Variants in PC observed in about 807,000 individuals in gnomAD.
The protein encoded by PC is pyruvate carboxylase, mitochondrial.
A neutral mutation model predicts 107.8 loss-of-function variants in PC; 46 were observed. The ratio of observed to expected loss-of-function variants is 0.43; its 90% CI spans 0.34 to 0.55. The LOEUF (loss-of-function observed/expected upper bound fraction) is 0.55, where lower values mean the gene tolerates loss of function less well. PC is among the 20% of genes least tolerant of loss of function. The pLI, the probability that PC is intolerant of heterozygous loss-of-function variation, is 0.04. For missense variants in PC, 1,241 were observed against 1,643.1 expected (o/e 0.76, Z 4.23); for synonymous variants, 662 against 684.7 (o/e 0.97, Z 0.52).
At chr11:66,876,796 G>A (rs879378650) in intron 3 of PC, among the ~76,000 whole-genome samples, 2 of 152,190 alleles carry the variant, frequency 1.3e-5, no homozygotes, top group African/African-American at 2.4e-5. Flanking sequence ...TCTGCTGAGC[G>A]CTGGGAAAGG....
At chr11:66,853,429 C>A (rs1945627758) in intron 12 of PC, 46 bp from the exon 13 acceptor site, 1 of 1,610,026 alleles carries the variant, frequency 6.2e-7, no homozygotes. Context: ...GCAGCACAGA[C>A]AGGGAAGGCA....
In PC at chr11:66,870,457, G is replaced by A. The variant is rs760649111; in HGVS notation, c.752-4C>T. 1.2e-6 allele frequency: 2 copies of A among 1,612,940 alleles called. No homozygotes were observed. Among genetic ancestry groups the A allele is most frequent in the African/African-American group, 2.7e-5 (2 of 74,910 alleles). On this transcript the variant is annotated splice_polypyrimidine_tract_variant and splice_region_variant and intron_variant, in intron 8 of 22. Coordinates refer to ENST00000393960, the MANE Select transcript of PC (RefSeq NM_001040716.2). This position sits in a 1 kb window ranked among gnomAD's most constrained non-coding sequence, Gnocchi z 6.1. ...AGGATGTTCCCATACTGGTCCCCTGGGGAGGGAGGTAAACTGGGCTTAGCT... is the reference window on the plus strand; with the variant it reads ...AGGATGTTCCCATACTGGTCCCCTGAGGAGGGAGGTAAACTGGGCTTAGCT...
chr11:66,878,068 A>G (rs1947047708), intron 3 of PC, among the ~76,000 whole-genome samples: 1 of 152,152 alleles, frequency 6.6e-6, no homozygotes, highest in Admixed American at 6.5e-5. Flanking sequence ...GAAAAGGCGA[A>G]GGGAGCTCCT....
intron 3 of PC, among the ~76,000 whole-genome samples, chr11:66,938,117 A>G (rs1042421095): frequency 2.6e-5 from 4 of 152,194 alleles, no homozygotes; most frequent in African/African-American, 9.7e-5. Flanking sequence ...ATCATTGTCT[A>G]TGAAGTCCAA....
chr11:66,897,824 G>A (rs1240974575), intron 3 of PC, among the ~76,000 whole-genome samples: 1 of 152,172 alleles, frequency 6.6e-6, no homozygotes, highest in Non-Finnish European at 1.5e-5. Flanking sequence ...ACTTGGTAGA[G>A]ATAACTTGCT....
intron 3 of PC, among the ~76,000 whole-genome samples, chr11:66,915,904 T>C (rs1309453968): frequency 6.6e-6 from 1 of 152,166 alleles, no homozygotes; most frequent in African/African-American, 2.4e-5. Flanking sequence ...ACTGCCTCTT[T>C]CGGCACTTTG....
At chr11:66,860,934 T>C (rs1946223900) in intron 12 of PC, among the ~76,000 whole-genome samples, 1 of 152,144 alleles carries the variant, frequency 6.6e-6, no homozygotes, top group Non-Finnish European at 1.5e-5. Context: ...CTCCAGGTGC[T>C]GACAGCTGTG....
chr11:66,887,803 A>G (rs986924974), intron 3 of PC, among the ~76,000 whole-genome samples: 2 of 152,246 alleles, frequency 1.3e-5, no homozygotes, highest in African/African-American at 4.8e-5. Context: ...TGGGATGCCA[A>G]AAGAGACCTC....
Position 66,858,920 on chromosome 11 carries a change from C to G in PC, c.1368+4854G>C. ...CCGGGCCCTCGGACATCGCCGCCTC[C>G]GCTCGCACTGCTGCCGAGGGTGAGG... is the stretch of plus-strand genomic sequence containing the variant. On this transcript the variant is annotated intron_variant, in intron 12 of 22. Coordinates refer to ENST00000393960, the MANE Select transcript of PC (RefSeq NM_001040716.2). The surrounding 1 kb of genome is among the most constrained non-coding windows in gnomAD (Gnocchi z 5.9). 6.4e-7 allele frequency: 1 copy of G among 1,570,454 alleles called. No individual in the cohort carries two copies.
At chr11:66,947,621 G>T (rs1163612958) in intron 3 of PC, among the ~76,000 whole-genome samples, 1 of 151,918 alleles carries the variant, frequency 6.6e-6, no homozygotes, top group Admixed American at 6.6e-5. Context: ...AGCACTTTGG[G>T]AGGCCAAGGT....
chr11:66,894,160 T>G (rs79859058), intron 3 of PC, among the ~76,000 whole-genome samples: 7,789 of 152,046 alleles, frequency 0.051, 317 homozygotes, highest in East Asian at 0.11. Context: ...GTGGGGTAAT[T>G]CTCTGACTCC....
At chr11:66,932,947 A>C (rs1371114111) in intron 3 of PC, among the ~76,000 whole-genome samples, 1 of 152,178 alleles carries the variant, frequency 6.6e-6, no homozygotes, top group African/African-American at 2.4e-5. Flanking sequence ...TTCTTAATTC[A>C]TATTTTGTGT....
Position 66,858,102 on chromosome 11 carries a change from G to T in PC, c.1369-4719C>A. On this transcript the variant is annotated intron_variant, in intron 12 of 22. Coordinates refer to ENST00000393960, the MANE Select transcript of PC (RefSeq NM_001040716.2). This position sits in a 1 kb window ranked among gnomAD's most constrained non-coding sequence, Gnocchi z 5.9. ...GGGCACCGGGAGCCTCCGGGGCCCC[G>T]TCAATCTGCAGCACCTCATCCTCAG... The T allele has an allele frequency of 6.2e-7, 1 of 1,609,746 alleles. No homozygotes were observed. The highest frequency in any genetic ancestry group is 1.7e-4 in the Middle Eastern group (1 of 6,056).
chr11:66,925,368 G>T (rs1189532983), intron 3 of PC, among the ~76,000 whole-genome samples: 1 of 152,132 alleles, frequency 6.6e-6, no homozygotes, highest in Non-Finnish European at 1.5e-5. Flanking sequence ...GGCCATTTCA[G>T]AGGCCTACCC....
intron 2 of PC, among the ~76,000 whole-genome samples, chr11:66,952,872 C>T (rs971660116): frequency 6.6e-6 from 1 of 152,206 alleles, no homozygotes; most frequent in Non-Finnish European, 1.5e-5. Flanking sequence ...CCACTGAGGG[C>T]ACCAGGAGGG....
At chr11:66,903,423 C>T (rs1486517051) in intron 3 of PC, among the ~76,000 whole-genome samples, 2 of 152,042 alleles carry the variant, frequency 1.3e-5, no homozygotes, top group Non-Finnish European at 2.9e-5. Flanking sequence ...TCCCTACGGA[C>T]TATAATTATT....
intron 3 of PC, among the ~76,000 whole-genome samples, chr11:66,917,099 T>A (rs1054392220): frequency 6.6e-6 from 1 of 151,574 alleles, no homozygotes; most frequent in Non-Finnish European, 1.5e-5. Flanking sequence ...TGAGACAGAG[T>A]CTTACTCTGT....
intron 3 of PC, among the ~76,000 whole-genome samples, chr11:66,927,464 G>A (rs1456258859): frequency 1.3e-5 from 2 of 151,902 alleles, no homozygotes; most frequent in Non-Finnish European, 2.9e-5. Flanking sequence ...GCTCATGCCT[G>A]TAATCCCAGC....
At chr11:66,893,218 C>G (rs1947637416) in intron 3 of PC, among the ~76,000 whole-genome samples, 1 of 152,196 alleles carries the variant, frequency 6.6e-6, no homozygotes, top group South Asian at 2.1e-4. Flanking sequence ...GGTAGCCTGA[C>G]ACGGGCCACA....
Sources: gnomAD v4.1 joint callset for allele counts (sites outside exome capture counted in the v4.1 genomes callset) on GRCh38, gnomAD v4.1.1 for gene constraint, Gnocchi (gnomAD v3.1) non-coding constraint, MANE v1.5 for transcripts, NCBI Gene and HGNC (gene_info 2026-07-23, HGNC 2026-07-21) for gene names.